The following PRKN variants were observed in gnomAD, a reference collection of about 807,000 sequenced individuals.
The protein encoded by PRKN is E3 ubiquitin-protein ligase parkin.
Under a neutral mutation model 59.5 loss-of-function variants are expected in PRKN, and 56 were observed. The observed-to-expected ratio is 0.94, with a 90% CI of 0.76 to 1.18. The LOEUF (loss-of-function observed/expected upper bound fraction) is 1.18. Among genes scored for constraint, PRKN ranks in the 50% most tolerant of loss-of-function variants. The pLI is 0.00. For missense variants in PRKN, 657 were observed against 596.4 expected, an observed-to-expected ratio of 1.10 and a Z score of -1.06; for synonymous variants, 250 against 222.1, an observed-to-expected ratio of 1.13 and a Z score of -1.12.
chr6:161,605,860 T>A (rs929908533), intron 7 of PRKN, among the ~76,000 whole-genome samples: 1 of 152,048 alleles, frequency 6.6e-6, no homozygotes, highest in South Asian at 2.1e-4. Context: ...AACCCTCTGA[T>A]GAGTGGCATA....
At chr6:161,481,558 C>T (rs867129940) in intron 9 of PRKN, among the ~76,000 whole-genome samples, 3 of 151,848 alleles carry the variant, frequency 2.0e-5, no homozygotes, top group South Asian at 2.1e-4. Context: ...GAGCTGAGGT[C>T]GCACCACTGC....
At chr6:161,783,407 A>G (rs1043524880) in intron 7 of PRKN, among the ~76,000 whole-genome samples, 1 of 152,228 alleles carries the variant, frequency 6.6e-6, no homozygotes, top group South Asian at 2.1e-4. Context: ...GGTCCTGAGA[A>G]AAATGGCTGC....
At chr6:161,489,111 A>C (rs546505038) in intron 9 of PRKN, among the ~76,000 whole-genome samples, 3 of 152,328 alleles carry the variant, frequency 2.0e-5, no homozygotes, top group South Asian at 4.1e-4. Context: ...CTGATTTCTA[A>C]GACATAATTC....
chr6:162,282,603 C>G (rs530793588), intron 2 of PRKN, among the ~76,000 whole-genome samples: 15 of 152,204 alleles, frequency 9.9e-5, no homozygotes, highest in Non-Finnish European at 1.8e-4. Context: ...ACAATCTAAA[C>G]AGTCATCAAT....
At chr6:162,367,018 A>G (rs942241302) in intron 2 of PRKN, among the ~76,000 whole-genome samples, 1 of 152,108 alleles carries the variant, frequency 6.6e-6, no homozygotes. Flanking sequence ...CTCATCTCGA[A>G]TTGTAGTTCC....
rs1281299820 is a variant in PRKN, at chr6:161,578,855, T to C, written c.872-9439A>G. 6.6e-6 allele frequency among the ~76,000 whole-genome samples: 1 copy of C among 152,272 alleles called. No homozygotes were observed. Among genetic ancestry groups the C allele is most frequent in the African/African-American group, 2.4e-5 (1 of 41,480 alleles). On this transcript the variant is annotated intron_variant, in intron 7 of 11. Coordinates refer to ENST00000366898, the MANE Select transcript of PRKN (RefSeq NM_004562.3). The surrounding 1 kb of genome is among the most constrained non-coding windows in gnomAD (Gnocchi z 4.2). ...ACAATGTCAAAACAACTTAAATATT[T>C]TGAATTGTGTGTATATTCTTGGCGC...
intron 4 of PRKN, among the ~76,000 whole-genome samples, chr6:162,130,626 T>C (rs937004732): frequency 6.6e-6 from 1 of 152,138 alleles, no homozygotes; most frequent in Non-Finnish European, 1.5e-5. Context: ...ACCTAGATAG[T>C]AGCAGTAGGA....
intron 3 of PRKN, among the ~76,000 whole-genome samples, chr6:162,229,602 C>A (rs1277426455): frequency 6.6e-6 from 1 of 152,188 alleles, no homozygotes; most frequent in Non-Finnish European, 1.5e-5. Flanking sequence ...CTGCCCCTCT[C>A]CCAGATCACC....
intron 6 of PRKN, among the ~76,000 whole-genome samples, chr6:161,845,307 G>A (rs73603114): frequency 0.028 from 4,240 of 152,206 alleles, 182 homozygotes; most frequent in African/African-American, 0.092. Context: ...CCACCACAGT[G>A]TGCCCTACAA....
intron 1 of PRKN, among the ~76,000 whole-genome samples, chr6:162,509,195 C>T (rs181994999): frequency 2.5e-4 from 38 of 152,258 alleles, no homozygotes; most frequent in African/African-American, 9.1e-4. Context: ...ATCCATTAAA[C>T]CCCGAGTTTG....
At chr6:161,857,468 C>T (rs976553220) in intron 6 of PRKN, among the ~76,000 whole-genome samples, 4 of 152,138 alleles carry the variant, frequency 2.6e-5, no homozygotes, top group Non-Finnish European at 4.4e-5. Context: ...CAGGTGTGTC[C>T]TACTCTGAAA....
intron 3 of PRKN, among the ~76,000 whole-genome samples, chr6:162,223,655 ACACAC>A (rs1438074943): frequency 1.4e-3 from 115 of 84,872 alleles, no homozygotes; most frequent in African/African-American, 8.4e-3. Context: ...ACACACACAC[ACACAC>A]AAACATAATG....
chr6:161,763,883 G>C (rs1036158736), intron 7 of PRKN, among the ~76,000 whole-genome samples: 17 of 152,154 alleles, frequency 1.1e-4, no homozygotes, highest in African/African-American at 4.1e-4. Context: ...CCCATCACGA[G>C]TCCCACTGAA....
chr6:162,492,366 C>T (rs998728701), intron 1 of PRKN, among the ~76,000 whole-genome samples: 9 of 152,230 alleles, frequency 5.9e-5, no homozygotes, highest in Non-Finnish European at 1.3e-4. Flanking sequence ...CTGAGCTCCA[C>T]AGCAGTGCCT....
At chr6:162,247,183 T>C (rs907084291) in intron 3 of PRKN, among the ~76,000 whole-genome samples, 3 of 152,176 alleles carry the variant, frequency 2.0e-5, no homozygotes, top group South Asian at 2.1e-4. Context: ...CCAGTTTCTT[T>C]GTGAAATCAA....
At chr6:162,121,014 C>G (rs1780888980) in intron 4 of PRKN, among the ~76,000 whole-genome samples, 1 of 152,224 alleles carries the variant, frequency 6.6e-6, no homozygotes, top group African/African-American at 2.4e-5. Context: ...CTCCTGGCAT[C>G]TGGCAGTTTA....
At chr6:162,413,998 A>G (rs865910661) in intron 2 of PRKN, among the ~76,000 whole-genome samples, 3 of 152,076 alleles carry the variant, frequency 2.0e-5, no homozygotes, top group Non-Finnish European at 4.4e-5. Context: ...CCTGGCCAAC[A>G]TGGGGAAATC....
chr6:162,366,967 G>A (rs963340922), intron 2 of PRKN, among the ~76,000 whole-genome samples: 2 of 152,058 alleles, frequency 1.3e-5, no homozygotes, highest in African/African-American at 4.8e-5. Context: ...ATACTCTTTT[G>A]TATACAGTTT....
chr6:162,522,358 C>T (rs921816766), intron 1 of PRKN, among the ~76,000 whole-genome samples: 1 of 152,146 alleles, frequency 6.6e-6, no homozygotes, highest in Non-Finnish European at 1.5e-5. Context: ...TTGTGAGCTT[C>T]AGTGATTCGC....
Sources: gnomAD v4.1 joint callset for allele counts (sites outside exome capture counted in the v4.1 genomes callset) on GRCh38, gnomAD v4.1.1 for gene constraint, Gnocchi (gnomAD v3.1) non-coding constraint, MANE v1.5 for transcripts, NCBI Gene and HGNC (gene_info 2026-07-23, HGNC 2026-07-21) for gene names.